RAPGEF4: variants seen among roughly 807,000 people sequenced by gnomAD.
RAPGEF4 encodes Rap guanine nucleotide exchange factor 4, also known as RAP guanine-nucleotide-exchange factor (GEF) 4.
A neutral mutation model predicts 147.9 loss-of-function variants in RAPGEF4; 66 were observed. That is an observed-to-expected ratio of 0.45 (90% CI 0.37 to 0.55). The LOEUF (loss-of-function observed/expected upper bound fraction) is 0.55, where lower values mean the gene tolerates loss of function less well. RAPGEF4 is among the 20% of genes least tolerant of loss of function. RAPGEF4 has a pLI of 0.00. For missense variants in RAPGEF4, 1,071 were observed against 1,257.3 expected, an observed-to-expected ratio of 0.85 and a Z score of 2.24; for synonymous variants, 419 against 442.7, an observed-to-expected ratio of 0.95 and a Z score of 0.67.
chr2:172,848,774 C>A (rs906566135), intron 4 of RAPGEF4, among the ~76,000 whole-genome samples: 10 of 152,148 alleles, frequency 6.6e-5, no homozygotes, highest in African/African-American at 2.4e-4. Context: ...AGCAAGAGGC[C>A]TGCCTCTCAG....
chr2:172,816,771 T>C (rs1483304951), intron 4 of RAPGEF4, among the ~76,000 whole-genome samples: 1 of 152,156 alleles, frequency 6.6e-6, no homozygotes, highest in Non-Finnish European at 1.5e-5. Context: ...AGAGAGCCAT[T>C]TGGAATTGAC....
chr2:172,979,689 A>G (rs771743764), intron 10 of RAPGEF4, among the ~76,000 whole-genome samples: 47 of 152,228 alleles, frequency 3.1e-4, no homozygotes, highest in Non-Finnish European at 4.7e-4. Context: ...TGTAATTACC[A>G]TAGCAGTAAG....
At chr2:172,997,158 C>T (rs1010533605) in intron 16 of RAPGEF4, among the ~76,000 whole-genome samples, 4 of 152,286 alleles carry the variant, frequency 2.6e-5, no homozygotes, top group Non-Finnish European at 5.9e-5. Flanking sequence ...CTGTTCCATG[C>T]CTCTCTCCTA....
At chr2:172,920,377 C>T (rs771367560) in intron 5 of RAPGEF4, among the ~76,000 whole-genome samples, 4 of 152,240 alleles carry the variant, frequency 2.6e-5, no homozygotes, top group East Asian at 1.9e-4. Flanking sequence ...TAGTAACATC[C>T]GCCACCCAAT....
At chr2:172,800,931 A>G (rs1273545136) in intron 3 of RAPGEF4, among the ~76,000 whole-genome samples, 2 of 152,168 alleles carry the variant, frequency 1.3e-5, no homozygotes, top group East Asian at 3.9e-4. Context: ...TGAGGAGGGA[A>G]ATGGGGTTGG....
At chr2:173,037,836 C>G (rs1446713415) in intron 29 of RAPGEF4, among the ~76,000 whole-genome samples, 3 of 152,104 alleles carry the variant, frequency 2.0e-5, no homozygotes. Context: ...CATGCCCAGC[C>G]CATCTATCTC....
chr2:172,958,626 C>T (rs1334842338), intron 6 of RAPGEF4, among the ~76,000 whole-genome samples: 1 of 152,164 alleles, frequency 6.6e-6, no homozygotes, highest in African/African-American at 2.4e-5. Context: ...TTGAATTGGA[C>T]TAGAGTGATA....
At chr2:172,834,007 ATTAG>A (rs1045098981) in intron 4 of RAPGEF4, among the ~76,000 whole-genome samples, 20 of 152,186 alleles carry the variant, frequency 1.3e-4, no homozygotes, top group African/African-American at 4.6e-4. Flanking sequence ...CTAATTCCAA[ATTAG>A]TTAGTTCTTG....
chr2:172,824,180 G>A (rs751492371), intron 4 of RAPGEF4, among the ~76,000 whole-genome samples: 2 of 152,226 alleles, frequency 1.3e-5, no homozygotes, highest in African/African-American at 4.8e-5. Flanking sequence ...ATCATTTGTA[G>A]TTGTAGTTCT....
At chr2:172,982,359 A>G (rs1373232836) in intron 10 of RAPGEF4, among the ~76,000 whole-genome samples, 1 of 152,234 alleles carries the variant, frequency 6.6e-6, no homozygotes, top group African/African-American at 2.4e-5. Context: ...GATAATATTC[A>G]TAACTGCAGC....
At chr2:172,940,188 C>T (rs1462845984) in intron 6 of RAPGEF4, among the ~76,000 whole-genome samples, 1 of 152,046 alleles carries the variant, frequency 6.6e-6, no homozygotes, top group Non-Finnish European at 1.5e-5. Context: ...CCACCGAGTT[C>T]TACTGTTTTC....
At chr2:173,023,625 A>G (rs1696332578) in intron 23 of RAPGEF4, among the ~76,000 whole-genome samples, 1 of 152,244 alleles carries the variant, frequency 6.6e-6, no homozygotes, top group Non-Finnish European at 1.5e-5. Context: ...TTGAGACTCA[A>G]CAGAGCTTTC....
intron 10 of RAPGEF4, among the ~76,000 whole-genome samples, chr2:172,975,529 A>G (rs116552177): frequency 0.012 from 1,880 of 152,228 alleles, 42 homozygotes; most frequent in African/African-American, 0.042. Flanking sequence ...TCCAAGTCCA[A>G]TTTTATTTCT....
At chr2:172,784,380 T>C (rs1383133733) in intron 1 of RAPGEF4, among the ~76,000 whole-genome samples, 1 of 152,088 alleles carries the variant, frequency 6.6e-6, no homozygotes, top group African/African-American at 2.4e-5. Flanking sequence ...TAGCCGGGCA[T>C]GGTGGCAGGC....
At chr2:172,802,899 A>C (rs956420896) in intron 3 of RAPGEF4, among the ~76,000 whole-genome samples, 10 of 152,254 alleles carry the variant, frequency 6.6e-5, no homozygotes, top group Non-Finnish European at 1.3e-4. Flanking sequence ...CCAGCAGGGC[A>C]GTCAAATCTT....
intron 4 of RAPGEF4, among the ~76,000 whole-genome samples, chr2:172,916,941 A>C (rs193230657): frequency 6.6e-6 from 1 of 152,350 alleles, no homozygotes; most frequent in Admixed American, 6.5e-5. Flanking sequence ...ATAAATATAC[A>C]TGACACCATG....
At chr2:172,956,607 C>A (rs965526032) in intron 6 of RAPGEF4, among the ~76,000 whole-genome samples, 2 of 151,950 alleles carry the variant, frequency 1.3e-5, no homozygotes, top group South Asian at 2.1e-4. Flanking sequence ...GTAGCTGGGA[C>A]TACAGGTGCC....
intron 29 of RAPGEF4, among the ~76,000 whole-genome samples, chr2:173,037,141 T>C (rs1684128665): frequency 6.6e-6 from 1 of 152,252 alleles, no homozygotes; most frequent in Non-Finnish European, 1.5e-5. Flanking sequence ...CTTACCCCAA[T>C]AAAGTTCGCT....
At chr2:172,854,190 A>G (rs1426745090) in intron 4 of RAPGEF4, among the ~76,000 whole-genome samples, 2 of 152,068 alleles carry the variant, frequency 1.3e-5, no homozygotes, top group Admixed American at 6.5e-5. Flanking sequence ...AGAGAACAGT[A>G]TTAGAATCTC....
Sources: allele counts gnomAD v4.1 joint callset (sites outside exome capture counted in the v4.1 genomes callset), GRCh38; gene constraint gnomAD v4.1.1; transcripts MANE v1.5; gene names NCBI Gene and HGNC (gene_info 2026-07-23, HGNC 2026-07-21).